Variants in THSD4 observed in about 807,000 individuals in gnomAD.
THSD4 encodes the protein thrombospondin type-1 domain-containing protein 4.
In THSD4, 69 loss-of-function variants were observed where a neutral mutation model predicts 119.0. The observed-to-expected ratio is 0.58, with a 90% CI of 0.48 to 0.71. THSD4 has a LOEUF of 0.71. Among genes scored for constraint, THSD4 ranks in the 30% least tolerant of loss-of-function variants. The pLI is 0.00. For missense variants in THSD4, 1,393 were observed against 1,391.1 expected (o/e 1.00, Z -0.02); for synonymous variants, 524 against 540.4 (o/e 0.97, Z 0.42).
At chr15:71,656,937 G>A (rs1995335) in intron 7 of THSD4, among the ~76,000 whole-genome samples, 39,490 of 152,024 alleles carry the variant, frequency 0.26, 5,919 homozygotes, top group East Asian at 0.69. Flanking sequence ...GATGAGGACA[G>A]TCAGAAAGGC....
rs1303761297 is a variant in THSD4, at chr15:71,283,745, A to G, written c.1015+27030A>G. On this transcript the variant is annotated intron_variant, in intron 6 of 17. Transcript: ENST00000261862. ...TAACTCATCACAAAGATTGGTCATCATGGGAAATTTTTTGCCCTATTTTTA... is the reference window on the plus strand; with the variant it reads ...TAACTCATCACAAAGATTGGTCATCGTGGGAAATTTTTTGCCCTATTTTTA... Among the ~76,000 whole-genome samples, 9 of 152,344 alleles carry G rather than the reference A, an allele frequency of 5.9e-5. 1 individual carries two copies. The Middle Eastern group carries it at 0.014, about 230-fold the overall frequency.
chr15:71,149,361 T>G (rs1364482510), intron 2 of THSD4, among the ~76,000 whole-genome samples: 2 of 152,152 alleles, frequency 1.3e-5, no homozygotes, highest in Admixed American at 1.3e-4. Context: ...TTCTCCTGCC[T>G]CAGCCTCACG....
intron 8 of THSD4, among the ~76,000 whole-genome samples, chr15:71,702,041 T>A (rs1374624632): frequency 2.0e-5 from 3 of 152,234 alleles, no homozygotes. Context: ...AGGCCTCCTC[T>A]CCATCTGAGG....
intron 6 of THSD4, among the ~76,000 whole-genome samples, chr15:71,386,935 T>C (rs1416819218): frequency 6.6e-6 from 1 of 152,234 alleles, no homozygotes; most frequent in Non-Finnish European, 1.5e-5. Context: ...AAAAGGATTC[T>C]GTTCGCCTCG....
At chr15:71,346,210 A>G (rs923402202) in intron 6 of THSD4, among the ~76,000 whole-genome samples, 6 of 152,220 alleles carry the variant, frequency 3.9e-5, no homozygotes, top group Admixed American at 2.0e-4. Flanking sequence ...AATATAGACC[A>G]TTATTAGGTA....
intron 7 of THSD4, among the ~76,000 whole-genome samples, chr15:71,556,565 A>C (rs1388294338): frequency 2.0e-5 from 3 of 151,930 alleles, no homozygotes; most frequent in African/African-American, 7.3e-5. Context: ...GCCCTGGGTG[A>C]AACCCGTCTC....
At chr15:71,620,665 A>G (rs928313136) in intron 7 of THSD4, among the ~76,000 whole-genome samples, 5 of 152,258 alleles carry the variant, frequency 3.3e-5, no homozygotes, top group South Asian at 4.1e-4. Flanking sequence ...AATTAGATCT[A>G]TGTACTCTGT....
rs2053148147 is a variant in THSD4, at chr15:71,737,869, C to A, written c.1768C>A (p.Pro590Thr). 6.2e-7 allele frequency: 1 copy of A among 1,614,226 alleles called. No homozygotes were observed. The highest frequency in any genetic ancestry group is 8.5e-7 in the Non-Finnish European group (1 of 1,180,044). ...CACCTCAGAATCGGCACAGACCTTCCCAGTCAGGCATCCAGACAGATTTTC... is the reference window on the plus strand; with the variant it reads ...CACCTCAGAATCGGCACAGACCTTCACAGTCAGGCATCCAGACAGATTTTC... ...MFTSESAQTF[P>T]VRHPDRFSPH... The change falls in exon 11 of 18, where the codon CCA becomes ACA. Residue 590 changes from proline to threonine, a missense_variant. Physicochemically the swap from Pro to Thr is conservative, Grantham distance 38 (BLOSUM62 -1). Coordinates refer to ENST00000261862, the MANE Select transcript of THSD4 (RefSeq NM_024817.3).
Position 71,781,193 on chromosome 15 carries a change from A to G in THSD4, c.*3819A>G, listed in dbSNP as rs2053992808. 2 of 168,098 alleles carry G rather than the reference A, an allele frequency of 1.2e-5. No homozygotes were observed. The highest frequency in any genetic ancestry group is 5.8e-5 in the Admixed American group (1 of 17,148). The allele number at this position is 168,098 out of a possible 1,614,324, so 10.4% of individuals were successfully genotyped here. ...ATGGGTGACGTGAAGTTGAAGAGCC[A>G]ATGGCTTGGGTGACACGTGCTGGAT... On this transcript the variant is annotated 3_prime_UTR_variant, in exon 18 of 18. Transcript: ENST00000261862.
At chr15:71,306,313 A>C (rs1398782958) in intron 6 of THSD4, among the ~76,000 whole-genome samples, 2 of 23,070 alleles carry the variant, frequency 8.7e-5, no homozygotes, top group East Asian at 2.4e-3. Context: ...GCCTCAAAAA[A>C]AAAAAAAAAA....
chr15:71,534,303 G>C (rs1375878112), intron 7 of THSD4, among the ~76,000 whole-genome samples: 1 of 152,212 alleles, frequency 6.6e-6, no homozygotes, highest in Non-Finnish European at 1.5e-5. Flanking sequence ...CCCTGTGTCA[G>C]ACTACCTGTT....
At chr15:71,585,350 T>G (rs1354513528) in intron 7 of THSD4, among the ~76,000 whole-genome samples, 1 of 152,236 alleles carries the variant, frequency 6.6e-6, no homozygotes, top group Non-Finnish European at 1.5e-5. Flanking sequence ...TATAGTATTC[T>G]TGGTTGACAG....
At chr15:71,212,350 C>T (rs748506749) in intron 3 of THSD4, among the ~76,000 whole-genome samples, 4 of 152,138 alleles carry the variant, frequency 2.6e-5, no homozygotes, top group South Asian at 2.1e-4. Context: ...TAGAATAGGA[C>T]GGAATGTGGC....
chr15:71,485,533 T>C (rs2047801846), intron 7 of THSD4, among the ~76,000 whole-genome samples: 1 of 152,182 alleles, frequency 6.6e-6, no homozygotes, highest in Non-Finnish European at 1.5e-5. Flanking sequence ...AAAACTGAGC[T>C]AACCATTGCC....
At chr15:71,475,828 G>A (rs2047647549) in intron 7 of THSD4, among the ~76,000 whole-genome samples, 1 of 152,152 alleles carries the variant, frequency 6.6e-6, no homozygotes, top group Admixed American at 6.5e-5. Context: ...TTGGAAAGCT[G>A]AGGCAAGAGG....
At position 71,765,114 on chromosome 15, in the gene THSD4, G is replaced by A. The variant is rs754324597; in HGVS notation, c.2684G>A (p.Cys895Tyr). 1 of 1,614,126 alleles carries A rather than the reference G, an allele frequency of 6.2e-7. No individual in the cohort carries two copies. Among genetic ancestry groups the A allele is most frequent in the Non-Finnish European group, 8.5e-7 (1 of 1,180,048 alleles). ...TTTGAAGTGTTGGACCCCTCTGAAT[G>A]TTCTTTCCTGGAGAAACCCCCCAGC... ...DTFEVLDPSE[C>Y]SFLEKPPSQQ... Residue 895 changes from cysteine (C) to tyrosine (Y), a missense_variant, in exon 16 of 18, where the codon TGT becomes TAT. Coordinates refer to ENST00000261862, the MANE Select transcript of THSD4 (RefSeq NM_024817.3).
At chr15:71,111,996 TAA>T, upstream of THSD4, 1 of 1,024,876 alleles carries the variant, frequency 9.8e-7, no homozygotes, top group Non-Finnish European at 1.4e-6. Flanking sequence ...GTGTTCCCCA[TAA>T]GTTTCCCCCC....
intron 7 of THSD4, among the ~76,000 whole-genome samples, chr15:71,618,085 G>C (rs2050351281): frequency 6.6e-6 from 1 of 152,166 alleles, no homozygotes; most frequent in Non-Finnish European, 1.5e-5. Context: ...GTCATGGAAA[G>C]ATCTAAAACC....
At chr15:71,711,570 C>G (rs940915794) in intron 8 of THSD4, among the ~76,000 whole-genome samples, 2 of 151,756 alleles carry the variant, frequency 1.3e-5, no homozygotes, top group Non-Finnish European at 2.9e-5. Context: ...TAAAATAGAG[C>G]GAAATCTAGT....
Sources: allele counts gnomAD v4.1 joint callset (sites outside exome capture counted in the v4.1 genomes callset), GRCh38; gene constraint gnomAD v4.1.1; transcripts MANE v1.5; gene names NCBI Gene and HGNC (gene_info 2026-07-23, HGNC 2026-07-21).